The following PCDH11X variants were observed in gnomAD, a reference collection of about 807,000 sequenced individuals.
The protein encoded by PCDH11X is protocadherin-11 X-linked.
A neutral mutation model predicts 53.3 loss-of-function variants in PCDH11X; 18 were observed. The observed-to-expected ratio is 0.34, with a 90% CI of 0.23 to 0.50. The LOEUF (loss-of-function observed/expected upper bound fraction) is 0.50. PCDH11X is among the 20% of genes least tolerant of loss of function. The pLI, the probability that PCDH11X is intolerant of heterozygous loss-of-function variation, is 0.98. For missense variants in PCDH11X, 570 were observed against 1,032.4 expected (o/e 0.55, Z 6.14); for synonymous variants, 279 against 393.3 (o/e 0.71, Z 3.44).
At chrX:91,908,201 C>T (rs1029463098) in intron 6 of PCDH11X, among the ~76,000 whole-genome samples, 8 of 111,529 alleles carry the variant, frequency 7.2e-5, no homozygotes, top group African/African-American at 2.6e-4. Flanking sequence ...AGCTTCTGCA[C>T]AGCAAAACAA....
chrX:92,515,384 A>G (rs1014862230), intron 10 of PCDH11X: 8 of 221,727 alleles, frequency 3.6e-5, no homozygotes, highest in South Asian at 1.6e-4. Context: ...GCCGCCCCCG[A>G]CAGTCTGCCC....
chrX:91,995,927 G>A (rs960099930), intron 6 of PCDH11X, among the ~76,000 whole-genome samples: 22 of 103,317 alleles, frequency 2.1e-4, no homozygotes, highest in Non-Finnish European at 3.7e-4. Flanking sequence ...TTGGCTCACT[G>A]CAAGCTCCAC....
chrX:92,336,478 G>C (rs1715372926), intron 8 of PCDH11X, among the ~76,000 whole-genome samples: 1 of 111,733 alleles, frequency 8.9e-6, no homozygotes, highest in Admixed American at 9.5e-5. Context: ...ATTAATAATT[G>C]ATCATTCACA....
intron 6 of PCDH11X, among the ~76,000 whole-genome samples, chrX:92,005,824 G>A (rs1364604684): frequency 8.9e-6 from 1 of 111,899 alleles, no homozygotes; most frequent in African/African-American, 3.3e-5. Context: ...TTGTTTGTCT[G>A]AGAAAGTCTT....
intron 6 of PCDH11X, among the ~76,000 whole-genome samples, chrX:91,981,086 T>C: frequency 9.6e-6 from 1 of 104,033 alleles, no homozygotes; most frequent in South Asian, 4.1e-4. Flanking sequence ...TGAATATATA[T>C]ATACACTGAA....
At chrX:92,077,607 A>G (rs6618846) in intron 6 of PCDH11X, among the ~76,000 whole-genome samples, 32,535 of 98,971 alleles carry the variant, frequency 0.33, 5,444 homozygotes, top group African/African-American at 0.65. Flanking sequence ...TGTTTCAAAA[A>G]AGAAGGAAGG....
chrX:91,887,220 T>A (rs891307911), intron 6 of PCDH11X, among the ~76,000 whole-genome samples: 2 of 110,179 alleles, frequency 1.8e-5, no homozygotes, highest in African/African-American at 6.6e-5. Flanking sequence ...AAGCAGACCT[T>A]GAGTAATCTT....
At chrX:92,257,981 G>A (rs1194689597) in intron 7 of PCDH11X, among the ~76,000 whole-genome samples, 1 of 112,371 alleles carries the variant, frequency 8.9e-6, no homozygotes, top group Non-Finnish European at 1.9e-5. Context: ...CCTGGAGCAG[G>A]CTTCTTCCTG....
At chrX:92,199,340 G>A (rs760537686) in intron 6 of PCDH11X, among the ~76,000 whole-genome samples, 2 of 111,639 alleles carry the variant, frequency 1.8e-5, no homozygotes, top group Non-Finnish European at 3.8e-5. Context: ...ATTAAAATGT[G>A]GCTTAACTCT....
intron 6 of PCDH11X, among the ~76,000 whole-genome samples, chrX:91,953,894 A>G (rs1308619454): frequency 1.8e-5 from 2 of 110,027 alleles, no homozygotes; most frequent in Non-Finnish European, 3.8e-5. Context: ...TGCACAAATG[A>G]CAACATAATA....
At chrX:92,052,819 CCTCT>C (rs1326236297) in intron 6 of PCDH11X, among the ~76,000 whole-genome samples, 1 of 106,674 alleles carries the variant, frequency 9.4e-6, no homozygotes, top group Non-Finnish European at 1.9e-5. Flanking sequence ...TTAGCATTTT[CCTCT>C]CTAATAAGGT....
chrX:91,959,512 C>A (rs1272104710), intron 6 of PCDH11X, among the ~76,000 whole-genome samples: 1 of 108,889 alleles, frequency 9.2e-6, no homozygotes, highest in African/African-American at 3.3e-5. Flanking sequence ...ATTATATTTT[C>A]TTTTTAGATT....
chrX:92,164,130 A>C (rs35833808), intron 6 of PCDH11X, among the ~76,000 whole-genome samples: 1 of 112,237 alleles, frequency 8.9e-6, no homozygotes. Flanking sequence ...GTAAGCTGCA[A>C]TGATATCTCC....
At chrX:91,845,678 CT>C (rs1422132967) in intron 5 of PCDH11X, among the ~76,000 whole-genome samples, 1 of 111,339 alleles carries the variant, frequency 9.0e-6, no homozygotes, top group East Asian at 2.8e-4. Context: ...TCATCTGCAG[CT>C]TTTAAGATTC....
chrX:92,390,341 G>A (rs2071100813), intron 9 of PCDH11X, among the ~76,000 whole-genome samples: 1 of 104,600 alleles, frequency 9.6e-6, no homozygotes, highest in South Asian at 4.5e-4. Context: ...GTCTTAATGT[G>A]TCACGGTAGT....
intron 9 of PCDH11X, among the ~76,000 whole-genome samples, chrX:92,431,431 A>T (rs1402503881): frequency 8.1e-5 from 9 of 110,779 alleles, no homozygotes; most frequent in Non-Finnish European, 1.5e-4. Flanking sequence ...AAGACTTAAA[A>T]TAGAACTCAA....
intron 10 of PCDH11X, among the ~76,000 whole-genome samples, chrX:92,588,969 C>T (rs1032514684): frequency 2.7e-5 from 3 of 111,041 alleles, no homozygotes; most frequent in African/African-American, 9.8e-5. Flanking sequence ...TAGAAGCAGA[C>T]TTTTCAGTGA....
At chrX:91,970,758 A>G (rs1186854829) in intron 6 of PCDH11X, among the ~76,000 whole-genome samples, 2 of 112,070 alleles carry the variant, frequency 1.8e-5, no homozygotes, top group Non-Finnish European at 3.8e-5. Context: ...GCAATAAAAA[A>G]TGATGCAACA....
intron 10 of PCDH11X, among the ~76,000 whole-genome samples, chrX:92,568,365 T>C (rs1304865140): frequency 2.8e-5 from 3 of 107,679 alleles, no homozygotes; most frequent in Non-Finnish European, 3.8e-5. Flanking sequence ...GAGCTTGCAG[T>C]GAGCCGAGAT....
Sources: allele counts gnomAD v4.1 joint callset (sites outside exome capture counted in the v4.1 genomes callset), GRCh38; gene constraint gnomAD v4.1.1; transcripts MANE v1.5; gene names NCBI Gene and HGNC (gene_info 2026-07-23, HGNC 2026-07-21).